CUBN: variants seen among roughly 807,000 people sequenced by gnomAD.
The protein encoded by CUBN is cubilin.
Under a neutral mutation model 405.3 loss-of-function variants are expected in CUBN, and 282 were observed. The ratio of observed to expected loss-of-function variants is 0.70; its 90% CI spans 0.63 to 0.77. The LOEUF (loss-of-function observed/expected upper bound fraction) is 0.77, where lower values mean the gene tolerates loss of function less well. Among genes scored for constraint, CUBN ranks in the 30% least tolerant of loss-of-function variants. CUBN has a pLI of 0.00. For missense variants in CUBN, 4,514 were observed against 4,475.2 expected (o/e 1.01, Z -0.25); for synonymous variants, 1,684 against 1,617.0 (o/e 1.04, Z -0.99).
At chr10:16,872,731 A>G (rs984890717) in intron 58 of CUBN, among the ~76,000 whole-genome samples, 2 of 152,248 alleles carry the variant, frequency 1.3e-5, no homozygotes, top group Non-Finnish European at 2.9e-5. Context: ...GGCAATAATC[A>G]ATCCTACACA....
At chr10:16,884,085 T>C (rs113145911) in intron 56 of CUBN, among the ~76,000 whole-genome samples, 7,034 of 152,278 alleles carry the variant, frequency 0.046, 562 homozygotes, top group African/African-American at 0.16. Flanking sequence ...GTTCACGCCA[T>C]TCTCCTGCTT....
intron 60 of CUBN, among the ~76,000 whole-genome samples, chr10:16,850,733 A>C (rs1839662726): frequency 6.6e-6 from 1 of 152,218 alleles, no homozygotes; most frequent in African/African-American, 2.4e-5. Flanking sequence ...TCGGTGTCCC[A>C]AATTGCTGGA....
chr10:17,070,526 T>C (rs886957332), intron 19 of CUBN, among the ~76,000 whole-genome samples: 15 of 152,194 alleles, frequency 9.9e-5, no homozygotes, highest in African/African-American at 3.1e-4. Flanking sequence ...ATTTAGGTCT[T>C]TTTAAATTTC....
intron 28 of CUBN, among the ~76,000 whole-genome samples, chr10:17,007,164 TCCCCACCCCTATC>T (rs1834048186): frequency 6.6e-6 from 1 of 151,192 alleles, no homozygotes; most frequent in African/African-American, 2.4e-5. Context: ...ACTTCTGTAT[TCCCCACCCCTATC>T]CCCCACCCCC....
At chr10:16,984,045 T>G in intron 30 of CUBN, 60 bp downstream of exon 30, 1 of 1,577,522 alleles carries the variant, frequency 6.3e-7, no homozygotes, top group East Asian at 2.2e-5. Flanking sequence ...CCCAAGCATT[T>G]CATGAAATTT....
chr10:16,994,681 C>T (rs958899729), intron 28 of CUBN, among the ~76,000 whole-genome samples: 1 of 152,078 alleles, frequency 6.6e-6, no homozygotes, highest in Non-Finnish European at 1.5e-5. Flanking sequence ...GTTGAATGAA[C>T]AATAAAATGT....
At chr10:16,901,499 A>T (rs747337510) in intron 51 of CUBN, 40 bp from the exon 52 acceptor site, 2 of 1,608,886 alleles carry the variant, frequency 1.2e-6, no homozygotes, top group Non-Finnish European at 1.7e-6. Context: ...AAACAGAAGT[A>T]AAAAAAAGAA....
chr10:16,995,082 C>A (rs1403122712), intron 28 of CUBN, among the ~76,000 whole-genome samples: 1 of 152,102 alleles, frequency 6.6e-6, no homozygotes, highest in Admixed American at 6.5e-5. Flanking sequence ...CAGAGCAAGA[C>A]CCCGTCTCAA....
chr10:16,889,670 C>A (rs184950511), intron 55 of CUBN, among the ~76,000 whole-genome samples: 1 of 151,672 alleles, frequency 6.6e-6, no homozygotes, highest in East Asian at 1.9e-4. Context: ...CCGAGGCGGG[C>A]GGTTCACGAG....
chr10:16,998,983 G>C (rs911682874), intron 28 of CUBN, among the ~76,000 whole-genome samples: 1 of 152,098 alleles, frequency 6.6e-6, no homozygotes, highest in Non-Finnish European at 1.5e-5. Context: ...CATTTTATTC[G>C]ACTAATTTCT....
In CUBN at chr10:16,824,863, C is replaced by G; in HGVS notation, c.*112G>C. On this transcript the variant is annotated 3_prime_UTR_variant, in exon 67 of 67. Coordinates refer to ENST00000377833, the MANE Select transcript of CUBN (RefSeq NM_001081.4). ...ATCCATGGTTTGGTGAAAAACCATA[C>G]AAGTTCAGCTTATTCTCTGTGGCAT... 1 of 793,818 alleles carries G rather than the reference C, an allele frequency of 1.3e-6. No individual in the cohort carries two copies. Among genetic ancestry groups the G allele is most frequent in the Non-Finnish European group, 2.2e-6 (1 of 459,026 alleles). The allele number at this position is 793,818 out of a possible 1,614,324, so 49.2% of individuals were successfully genotyped here.
intron 17 of CUBN, among the ~76,000 whole-genome samples, chr10:17,072,473 CCTAT>C (rs879310796): frequency 6.6e-6 from 1 of 152,066 alleles, no homozygotes; most frequent in Non-Finnish European, 1.5e-5. Flanking sequence ...GTGGCACACA[CCTAT>C]TATCTGAGCA....
intron 31 of CUBN, among the ~76,000 whole-genome samples, chr10:16,962,421 A>G (rs2131648077): frequency 6.6e-6 from 1 of 151,374 alleles, no homozygotes; most frequent in East Asian, 2.0e-4. Context: ...AGAGATAAGA[A>G]GTGAAAATTT....
Position 16,933,261 on chromosome 10 carries a change from T to A in CUBN, c.5950A>T (p.Thr1984Ser), listed in dbSNP as rs1457485279. The change falls in exon 40 of 67, where the codon ACG (threonine) becomes TCG (serine). Residue 1984 changes from threonine to serine, a missense_variant. Transcript: ENST00000377833. ...APGACGGFLR[T>S]GDAPVFLFSP... Reference sequence around the variant, plus strand: ...AAGAGAAACACGGGTGCATCTCCCGTCCTCAGGAAGCCACCACAAGCACCT... The same window carrying A: ...AAGAGAAACACGGGTGCATCTCCCGACCTCAGGAAGCCACCACAAGCACCT... The A allele has an allele frequency of 3.7e-6, 6 of 1,613,676 alleles. No individual in the cohort carries two copies. The Middle Eastern group carries it at 5.1e-4, about 137-fold the overall frequency.
rs537226746 is a variant in CUBN at position 16,977,229 on chromosome 10, T to C, written c.4695+5255A>G. ...CCCCACTCTCAAGCCTGGAAACCCA[T>C]GGCCCTAAATGGGAACAGGCATTCC... On this transcript the variant is annotated intron_variant, in intron 31 of 66. Transcript: ENST00000377833. Among the ~76,000 whole-genome samples, 644 of 152,286 alleles carry C rather than the reference T, an allele frequency of 4.2e-3. 5 individuals are homozygous for C. Among genetic ancestry groups the C allele is most frequent in the African/African-American group, 0.015 (614 of 41,562 alleles).
Position 16,901,383 on chromosome 10 carries a change from G to T in CUBN, c.8139C>A (p.Thr2713=), listed in dbSNP as rs147742103. The T allele has an allele frequency of 3.2e-4, 516 of 1,614,060 alleles. 5 individuals carry two copies. In the East Asian group the frequency reaches 7.6e-3, roughly 24 times the overall value. Residue 2713 remains threonine (T), a synonymous_variant, in exon 52 of 67, where the codon ACC becomes ACA. Transcript: ENST00000377833. ...PNYPNAYDSL[T]HCSSLLEAPQ... is the part of the protein sequence containing the mutation. ...GGGCCTCCAACAGCGAAGAGCAGTG[G>T]GTCAGGCTGTCATAAGCATTTGGAT...
intron 28 of CUBN, among the ~76,000 whole-genome samples, chr10:17,013,351 T>G (rs537800548): frequency 6.6e-6 from 1 of 151,948 alleles, no homozygotes; most frequent in Non-Finnish European, 1.5e-5. Flanking sequence ...TGACTTTCTA[T>G]CTCTCTGTCT....
intron 31 of CUBN, among the ~76,000 whole-genome samples, chr10:16,980,955 G>C (rs1383814180): frequency 6.6e-6 from 1 of 152,054 alleles, no homozygotes; most frequent in Non-Finnish European, 1.5e-5. Context: ...CAAAGCATTA[G>C]TTTCAGGTAG....
intron 50 of CUBN, 27 bp downstream of exon 50, chr10:16,906,176 G>T: frequency 6.7e-7 from 1 of 1,485,580 alleles, no homozygotes; most frequent in Admixed American, 1.7e-5. Flanking sequence ...AGATAAATGG[G>T]AAAACGCATT....
Sources: gnomAD v4.1 joint callset for allele counts (sites outside exome capture counted in the v4.1 genomes callset) on GRCh38, gnomAD v4.1.1 for gene constraint, MANE v1.5 for transcripts, NCBI Gene and HGNC (gene_info 2026-07-23, HGNC 2026-07-21) for gene names.